The following SPAG16 variants were observed in gnomAD, a reference collection of about 807,000 sequenced individuals.
The protein encoded by SPAG16 is sperm-associated antigen 16 protein.
SPAG16 carries 86 observed loss-of-function variants against 80.4 expected under a neutral mutation model. That is an observed-to-expected ratio of 1.07 (90% CI 0.90 to 1.28). The LOEUF is 1.28. Among genes scored for constraint, SPAG16 ranks in the 50% most tolerant of loss-of-function variants. The probability of loss-of-function intolerance (pLI) is 0.00; values close to 1 mark genes in which losing one functional copy is unlikely to be tolerated. For missense variants in SPAG16, 870 were observed against 765.3 expected, an observed-to-expected ratio of 1.14 and a Z score of -1.61; for synonymous variants, 294 against 265.9, an observed-to-expected ratio of 1.11 and a Z score of -1.03.
intron 13 of SPAG16, among the ~76,000 whole-genome samples, chr2:214,035,828 C>A (rs894151052): frequency 6.6e-6 from 1 of 152,166 alleles, no homozygotes; most frequent in South Asian, 2.1e-4. Context: ...CCAGGGAGCA[C>A]GAAGTTCCTG....
intron 15 of SPAG16, among the ~76,000 whole-genome samples, chr2:214,299,921 A>G (rs1453403915): frequency 6.6e-6 from 1 of 152,200 alleles, no homozygotes; most frequent in African/African-American, 2.4e-5. Context: ...GTAACTTTGT[A>G]AAGAAATTGC....
At chr2:214,326,404 C>G (rs535634148) in intron 15 of SPAG16, among the ~76,000 whole-genome samples, 11 of 152,218 alleles carry the variant, frequency 7.2e-5, no homozygotes, top group African/African-American at 2.6e-4. Flanking sequence ...TTCTAACCTT[C>G]AGAACTGGGA....
chr2:214,285,224 G>T (rs1693263702), intron 15 of SPAG16, among the ~76,000 whole-genome samples: 1 of 152,104 alleles, frequency 6.6e-6, no homozygotes, highest in Non-Finnish European at 1.5e-5. Context: ...GATGATTAGT[G>T]ATGACAGCAC....
At chr2:214,388,974 A>T (rs150331983) in intron 15 of SPAG16, among the ~76,000 whole-genome samples, 42 of 152,318 alleles carry the variant, frequency 2.8e-4, no homozygotes, top group African/African-American at 1.0e-3. Context: ...TCAGTGACCT[A>T]CCAATGGGGT....
At chr2:213,984,386 T>C (rs932810714) in intron 12 of SPAG16, among the ~76,000 whole-genome samples, 31 of 152,100 alleles carry the variant, frequency 2.0e-4, no homozygotes, top group African/African-American at 6.8e-4. Context: ...TACAAAATGC[T>C]ATGCAGTATA....
intron 15 of SPAG16, chr2:214,240,293 A>T (rs566815633): frequency 4.6e-5 from 7 of 152,210 alleles, no homozygotes; most frequent in Non-Finnish European, 7.3e-5. Context: ...CCAGGAAAAG[A>T]ATTCCCAAGT....
intron 9 of SPAG16, among the ~76,000 whole-genome samples, chr2:213,488,335 C>T (rs1314475746): frequency 6.6e-6 from 1 of 152,120 alleles, no homozygotes. Context: ...ATTGGTACAG[C>T]TTTTCTAAAA....
chr2:214,006,094 GA>G (rs1397379268), intron 12 of SPAG16, among the ~76,000 whole-genome samples: 1 of 151,980 alleles, frequency 6.6e-6, no homozygotes, highest in African/African-American at 2.4e-5. Context: ...TATTCCCTTT[GA>G]AAACACGGAT....
intron 12 of SPAG16, among the ~76,000 whole-genome samples, chr2:213,932,184 A>T (rs1322907563): frequency 5.0e-5 from 1 of 20,044 alleles, no homozygotes; most frequent in African/African-American, 8.6e-5. Flanking sequence ...ATATATATAT[A>T]TATATATATA....
At chr2:214,404,240 T>C (rs1385773328) in intron 15 of SPAG16, among the ~76,000 whole-genome samples, 1 of 152,136 alleles carries the variant, frequency 6.6e-6, no homozygotes, top group Non-Finnish European at 1.5e-5. Context: ...CTGAAAGAAA[T>C]AGTAAAAAAG....
At chr2:213,666,886 A>ATT (rs1460501692) in intron 10 of SPAG16, among the ~76,000 whole-genome samples, 16 of 152,172 alleles carry the variant, frequency 1.1e-4, no homozygotes, top group Non-Finnish European at 1.9e-4. Flanking sequence ...AAACATTCTA[A>ATT]ATATTCTAAA....
rs114472308 is a variant in SPAG16, at chr2:214,183,505, A to G, written c.1720+34239A>G. On this transcript the variant is annotated intron_variant, in intron 15 of 15. Transcript: ENST00000331683. ...GGCTACTATGGCTCTCAGCTTGTTC[A>G]AGTCAGGAAAAGGAGTGAAGTGGCT... 8.5e-3 allele frequency among the ~76,000 whole-genome samples: 1,298 copies of G among 152,084 alleles called. 15 individuals are homozygous for G. The highest frequency in any genetic ancestry group is 0.03 in the African/African-American group (1,229 of 41,498).
At position 214,080,597 on chromosome 2, in the gene SPAG16, G is replaced by C. The variant is rs1321373640; in HGVS notation, c.1528-27599G>C. Among the ~76,000 whole-genome samples the C allele has an allele frequency of 2.0e-4, 27 of 137,458 alleles. 1 individual carries two copies. The Admixed American group carries it at 2.0e-3, about 10-fold the overall frequency. 90.2% of individuals were successfully genotyped at this position (137,458 alleles called of 152,430 possible). On this transcript the variant is annotated intron_variant, in intron 13 of 15. Transcript: ENST00000331683. Reference sequence around the variant, plus strand: ...CACTCCAGCCTGGGCGACAGAGCGAGACTCTGTCTCAAAAAAAAAAAAAAA... The same window carrying C: ...CACTCCAGCCTGGGCGACAGAGCGACACTCTGTCTCAAAAAAAAAAAAAAA...
At chr2:213,375,490 T>A (rs2066841206) in intron 9 of SPAG16, among the ~76,000 whole-genome samples, 1 of 152,110 alleles carries the variant, frequency 6.6e-6, no homozygotes, top group African/African-American at 2.4e-5. Context: ...TTACTTAGTC[T>A]CTTTAAAGGT....
At chr2:213,308,850 G>T (rs527656056) in intron 3 of SPAG16, among the ~76,000 whole-genome samples, 1 of 152,162 alleles carries the variant, frequency 6.6e-6, no homozygotes, top group East Asian at 1.9e-4. Flanking sequence ...TGTGGCTCAG[G>T]CCACATAGTC....
At chr2:214,177,900 C>CAT (rs373584812) in intron 15 of SPAG16, among the ~76,000 whole-genome samples, 4,321 of 63,796 alleles carry the variant, frequency 0.068, 256 homozygotes, top group East Asian at 0.3. Context: ...TATATATATA[C>CAT]ATATATATAT....
intron 10 of SPAG16, among the ~76,000 whole-genome samples, chr2:213,800,030 C>T (rs1302271795): frequency 6.7e-6 from 1 of 149,780 alleles, no homozygotes; most frequent in Non-Finnish European, 1.5e-5. Flanking sequence ...TTTAAAAGTT[C>T]TTTAGTTCAC....
chr2:214,279,965 A>G (rs1692788387), intron 15 of SPAG16, among the ~76,000 whole-genome samples: 1 of 152,226 alleles, frequency 6.6e-6, no homozygotes, highest in African/African-American at 2.4e-5. Flanking sequence ...AAACTAAGGA[A>G]TGATGCTAAA....
chr2:213,286,320 G>C (rs770605286), intron 1 of SPAG16, among the ~76,000 whole-genome samples: 3 of 152,076 alleles, frequency 2.0e-5, no homozygotes, highest in Non-Finnish European at 4.4e-5. Context: ...GGTAGTCAGG[G>C]GATACACAGT....
Sources: allele counts gnomAD v4.1 joint callset (sites outside exome capture counted in the v4.1 genomes callset), GRCh38; gene constraint gnomAD v4.1.1; transcripts MANE v1.5; gene names NCBI Gene and HGNC (gene_info 2026-07-23, HGNC 2026-07-21).